RNF128: variants seen among roughly 807,000 people sequenced by gnomAD.
RNF128 encodes E3 ubiquitin-protein ligase RNF128.
In RNF128, 13 loss-of-function variants were observed where a neutral mutation model predicts 26.2. The ratio of observed to expected loss-of-function variants is 0.50; its 90% CI spans 0.32 to 0.79. RNF128 has a LOEUF of 0.79. Ranked by LOEUF, RNF128 falls within the 30% of genes least tolerant of loss-of-function variation. The pLI is 0.03. For synonymous variants in RNF128, 149 were observed against 142.5 expected, an observed-to-expected ratio of 1.05 and a Z score of -0.32; for missense variants, 315 against 349.7, an observed-to-expected ratio of 0.90 and a Z score of 0.79.
upstream of RNF128, among the ~76,000 whole-genome samples, chrX:106,725,297 T>C (rs1929375932): frequency 8.9e-6 from 1 of 111,904 alleles, no homozygotes; most frequent in Admixed American, 9.5e-5. Flanking sequence ...TTCACAAAAT[T>C]GCACATTTAT....
intron 1 of RNF128, among the ~76,000 whole-genome samples, chrX:106,720,895 T>G (rs1929299061): frequency 8.9e-6 from 1 of 111,804 alleles, no homozygotes; most frequent in Admixed American, 9.5e-5. Context: ...TGGTAGTTAT[T>G]AAAGTTATGG....
Position 106,727,360 on chromosome X carries a change from C to T in RNF128, c.447C>T (p.Pro149=). 8.3e-7 allele frequency: 1 copy of T among 1,211,521 alleles called. No homozygotes were observed. The highest frequency in any genetic ancestry group is 1.8e-5 in the South Asian group (1 of 56,923). ...GASGAVIFNF[P]GTRNEVIPMS... Reference sequence around the variant, plus strand: ...CTGGAGCCGTCATCTTTAACTTCCCCGGGACCCGCAATGAGGTCATCCCCA... The same window carrying T: ...CTGGAGCCGTCATCTTTAACTTCCCTGGGACCCGCAATGAGGTCATCCCCA... The change falls in exon 1 of 7, where the codon CCC becomes CCT. Residue 149 remains proline (P), a synonymous_variant. Transcript: ENST00000255499.
intron 2 of RNF128, among the ~76,000 whole-genome samples, chrX:106,777,406 C>A (rs1281114182): frequency 1.8e-5 from 2 of 112,024 alleles, no homozygotes; most frequent in African/African-American, 6.5e-5. Flanking sequence ...TTCCTTTGAA[C>A]CTGTTTCCAC....
intron 1 of RNF128, among the ~76,000 whole-genome samples, chrX:106,696,338 C>T (rs7061079): frequency 0.046 from 5,063 of 110,725 alleles, 274 homozygotes; most frequent in African/African-American, 0.16. Flanking sequence ...AAATAGTGTG[C>T]CATTGGATTT....
At chrX:106,695,369 A>G (rs998460933) in intron 1 of RNF128, among the ~76,000 whole-genome samples, 1 of 112,170 alleles carries the variant, frequency 8.9e-6, no homozygotes, top group Non-Finnish European at 1.9e-5. Flanking sequence ...AGAATTATGA[A>G]AAGGAGAAAA....
chrX:106,783,562 G>A (rs1006302258), intron 2 of RNF128, among the ~76,000 whole-genome samples: 3 of 111,300 alleles, frequency 2.7e-5, no homozygotes, highest in Non-Finnish European at 3.8e-5. Flanking sequence ...ACTTTTTGCC[G>A]AATTTCTAAG....
chrX:106,768,664 C>A (rs1427409374), intron 1 of RNF128, among the ~76,000 whole-genome samples: 1 of 111,240 alleles, frequency 9.0e-6, no homozygotes, highest in Non-Finnish European at 1.9e-5. Flanking sequence ...TTCAAAAAAC[C>A]AGCTCCTGGA....
chrX:106,751,538 C>T (rs927128321), intron 1 of RNF128, among the ~76,000 whole-genome samples: 7 of 110,815 alleles, frequency 6.3e-5, no homozygotes, highest in African/African-American at 1.3e-4. Flanking sequence ...CTGTGCTGGG[C>T]TCAGAACCAG....
intron 1 of RNF128, among the ~76,000 whole-genome samples, chrX:106,700,552 A>G (rs1293460712): frequency 9.0e-6 from 1 of 111,590 alleles, no homozygotes; most frequent in Non-Finnish European, 1.9e-5. Context: ...TTGGCAAACT[A>G]TTGTATTTTT....
chrX:106,792,900 A>G (rs1007640302), intron 6 of RNF128, among the ~76,000 whole-genome samples: 6 of 111,675 alleles, frequency 5.4e-5, no homozygotes, highest in African/African-American at 1.9e-4. Context: ...TACCACTTAA[A>G]CCAGATTTAA....
At chrX:106,754,671 G>A (rs894775675) in intron 1 of RNF128, among the ~76,000 whole-genome samples, 1 of 109,785 alleles carries the variant, frequency 9.1e-6, no homozygotes, top group Non-Finnish European at 1.9e-5. Context: ...GAGATAAACA[G>A]TATGCTCCTG....
chrX:106,776,332 A>G (rs1207196775), intron 2 of RNF128, among the ~76,000 whole-genome samples: 2 of 112,390 alleles, frequency 1.8e-5, no homozygotes, highest in Non-Finnish European at 3.8e-5. Flanking sequence ...AGAGGGCTGT[A>G]GGTGAAATAG....
chrX:106,794,219 A>G (rs1420535299), intron 6 of RNF128, among the ~76,000 whole-genome samples: 2 of 110,485 alleles, frequency 1.8e-5, no homozygotes, highest in Non-Finnish European at 3.8e-5. Context: ...TATCATTCTC[A>G]TCGTTTATCC....
chrX:106,768,629 G>C (rs1214209439), intron 1 of RNF128, among the ~76,000 whole-genome samples: 1 of 111,295 alleles, frequency 9.0e-6, no homozygotes, highest in Admixed American at 9.6e-5. Flanking sequence ...TGTCTTGCTA[G>C]TGGTCTATCA....
rs756654202 is a variant in RNF128, at chrX:106,750,633, C to T, written c.485-22280C>T. 3.6e-5 allele frequency among the ~76,000 whole-genome samples: 4 copies of T among 111,138 alleles called. No homozygotes were observed. The East Asian group carries it at 1.1e-3, about 32-fold the overall frequency. On this transcript the variant is annotated intron_variant, in intron 1 of 6. Transcript: ENST00000255499. ...TAAATGTCAGACAGAGGGTACTTGC[C>T]CTGAAGCCCCCAAGCTTTCTCTAGA...
At chrX:106,795,496 A>G in intron 6 of RNF128, 84 bp from the exon 7 acceptor site, 1 of 909,326 alleles carries the variant, frequency 1.1e-6, no homozygotes, top group Non-Finnish European at 1.5e-6. Flanking sequence ...TAAATAAGAA[A>G]GACTTCTTGG....
chrX:106,720,598 A>C (rs1035160227), intron 1 of RNF128, among the ~76,000 whole-genome samples: 2 of 110,552 alleles, frequency 1.8e-5, no homozygotes, highest in Non-Finnish European at 3.8e-5. Context: ...TGTGTGGCTG[A>C]AGAACACCCA....
intron 1 of RNF128, among the ~76,000 whole-genome samples, chrX:106,696,572 G>A (rs750534701): frequency 1.8e-5 from 2 of 111,045 alleles, no homozygotes; most frequent in South Asian, 3.8e-4. Context: ...TAAAGCTCAC[G>A]ATTTCACCTT....
intron 1 of RNF128, among the ~76,000 whole-genome samples, chrX:106,720,583 T>C (rs1257771725): frequency 9.1e-6 from 1 of 110,454 alleles, no homozygotes; most frequent in Non-Finnish European, 1.9e-5. Context: ...CTTAGCATGG[T>C]AAAATGTGTG....
Sources: gnomAD v4.1 joint callset for allele counts (sites outside exome capture counted in the v4.1 genomes callset) on GRCh38, gnomAD v4.1.1 for gene constraint, MANE v1.5 for transcripts, NCBI Gene and HGNC (gene_info 2026-07-23, HGNC 2026-07-21) for gene names.